Variants in OPRM1 observed in about 807,000 individuals in gnomAD.
OPRM1 encodes opioid receptor mu 1, also known as mu-type opioid receptor.
In OPRM1, 27 loss-of-function variants were observed where a neutral mutation model predicts 31.8. The ratio of observed to expected loss-of-function variants is 0.85; its 90% CI spans 0.63 to 1.17. The LOEUF (loss-of-function observed/expected upper bound fraction) is 1.17, where lower values mean the gene tolerates loss of function less well. OPRM1 is among the 50% of genes most tolerant of loss of function. OPRM1 has a pLI of 0.00. For missense variants in OPRM1, 536 were observed against 511.1 expected (o/e 1.05, Z -0.47); for synonymous variants, 196 against 189.9 (o/e 1.03, Z -0.26).
At position 154,131,931 on chromosome 6, in the gene OPRM1, A is replaced by G. The variant is rs184783311; in HGVS notation, c.*13210A>G. Among the ~76,000 whole-genome samples, 23 of 138,304 alleles carry G rather than the reference A, an allele frequency of 1.7e-4. No homozygotes were observed. The highest frequency in any genetic ancestry group is 1.5e-3 in the South Asian group (6 of 3,944). 90.7% of individuals were successfully genotyped at this position (138,304 alleles called of 152,430 possible). A position where few individuals can be genotyped will look rare whatever the true frequency, so the allele number is the denominator to read the frequency against. ...CTTTTGATGGTCTGGGAGTTTTTCT[A>G]TAAGTTTTTGGTTTTTTTTTTTTTT... On this transcript the variant is annotated 3_prime_UTR_variant, in exon 4 of 4. Coordinates refer to ENST00000330432, the MANE Select transcript of OPRM1 (RefSeq NM_000914.5).
At position 154,099,659 on chromosome 6, in the gene OPRM1, G is replaced by GTATATACATATATACATA. The variant is rs141279542; in HGVS notation, c.1164+8203_1164+8204insTATATATACATATATACA. 1.4e-3 allele frequency among the ~76,000 whole-genome samples: 201 copies of GTATATACATATATACATA among 143,912 alleles called. 5 individuals are homozygous for GTATATACATATATACATA. The highest frequency in any genetic ancestry group is 3.8e-3 in the African/African-American group (138 of 36,776). 94.4% of individuals were successfully genotyped at this position (143,912 alleles called of 152,430 possible). On this transcript the variant is annotated intron_variant, in intron 3 of 3. Transcript: ENST00000330432. Reference sequence around the variant, plus strand: ...TATACACACATATATATACACACATGTATATACATATATACACACATATAT... The same window carrying GTATATACATATATACATA: ...TATACACACATATATATACACACATGTATATACATATATACATATATATACATATATACACACATATAT...
At chr6:154,143,133 T>C (rs972385612) in intron 3 of OPRM1, among the ~76,000 whole-genome samples, 3 of 152,214 alleles carry the variant, frequency 2.0e-5, no homozygotes, top group African/African-American at 7.2e-5. Flanking sequence ...TGCACATAAA[T>C]GCACAGATAT....
At chr6:154,114,937 G>A (rs1261843549) in intron 3 of OPRM1, among the ~76,000 whole-genome samples, 1 of 151,132 alleles carries the variant, frequency 6.6e-6, no homozygotes, top group African/African-American at 2.4e-5. Flanking sequence ...AGTTGTGCAT[G>A]CATCCTTCTA....
intron 1 of OPRM1, among the ~76,000 whole-genome samples, chr6:154,066,518 T>TC (rs1453858727): frequency 3.2e-4 from 48 of 148,770 alleles, no homozygotes; most frequent in African/African-American, 9.6e-4. Flanking sequence ...CACCCTCCCA[T>TC]CCCCCCCAAA....
rs577057641 is a variant in OPRM1 at position 154,190,339 on chromosome 6, A to T, written c.1165-56354A>T. ...ACCAAAGAAAGTATATACAAAAATT[A>T]ATAAATTCTGAGCAGCCATCTTATG... On this transcript the variant is annotated intron_variant, in intron 3 of 3. Coordinates refer to the OPRM1 transcript ENST00000337049. Among the ~76,000 whole-genome samples, 14 of 152,384 alleles carry T rather than the reference A, an allele frequency of 9.2e-5. No homozygotes were observed. The East Asian group carries it at 2.3e-3, about 25-fold the overall frequency.
intron 3 of OPRM1, chr6:154,091,943 G>A: frequency 1.0e-6 from 1 of 986,274 alleles, no homozygotes; most frequent in Non-Finnish European, 1.2e-6. Flanking sequence ...GATATTCACA[G>A]AAAATTAGCA....
At chr6:154,187,753 C>A (rs1028066704) in intron 3 of OPRM1, among the ~76,000 whole-genome samples, 11 of 152,312 alleles carry the variant, frequency 7.2e-5, no homozygotes, top group African/African-American at 2.6e-4. Flanking sequence ...ATTTCAGATA[C>A]AACTTTCACA....
At chr6:154,101,249 CACTCTT>C (rs1017739484) in intron 3 of OPRM1, among the ~76,000 whole-genome samples, 1 of 152,056 alleles carries the variant, frequency 6.6e-6, no homozygotes, top group African/African-American at 2.4e-5. Flanking sequence ...AAGAATATCT[CACTCTT>C]ACTCTTCTTC....
At chr6:154,026,930 T>C (rs1189849156) in intron 1 of OPRM1, among the ~76,000 whole-genome samples, 2 of 152,134 alleles carry the variant, frequency 1.3e-5, no homozygotes, top group African/African-American at 4.8e-5. Flanking sequence ...CACATATCTT[T>C]GTTTCTCCAG....
chr6:154,154,853 A>C (rs988557727), intron 3 of OPRM1: 1 of 152,612 alleles, frequency 6.6e-6, no homozygotes, highest in Non-Finnish European at 1.5e-5. Context: ...ACTTAAGCTA[A>C]GATTTCCACA....
chr6:154,094,393 C>T, intron 3 of OPRM1: 1 of 418,724 alleles, frequency 2.4e-6, no homozygotes, highest in Non-Finnish European at 4.7e-6. Flanking sequence ...TTAAGAGCTG[C>T]TCAGTCAGCT....
chr6:154,231,597 A>G (rs1175900006), intron 3 of OPRM1, among the ~76,000 whole-genome samples: 1 of 152,250 alleles, frequency 6.6e-6, no homozygotes. Context: ...AGTGAGAGAA[A>G]AAGTAAGGTG....
intron 3 of OPRM1, among the ~76,000 whole-genome samples, chr6:154,162,732 G>T (rs1435548737): frequency 2.0e-5 from 3 of 152,072 alleles, no homozygotes; most frequent in Non-Finnish European, 2.9e-5. Context: ...GTAATCACAA[G>T]AAATCTCTCC....
chr6:154,068,358 C>A (rs914572187), intron 1 of OPRM1, among the ~76,000 whole-genome samples: 2 of 152,102 alleles, frequency 1.3e-5, no homozygotes, highest in Non-Finnish European at 2.9e-5. Flanking sequence ...ATCTATATAA[C>A]CTCAACCCCA....
rs1167495463 is a variant in OPRM1, at chr6:154,091,401, T to C, written c.1093T>C (p.Ser365Pro). 6.2e-7 allele frequency: 1 copy of C among 1,614,014 alleles called. No homozygotes were observed. Among genetic ancestry groups the C allele is most frequent in the South Asian group, 1.1e-5 (1 of 91,080 alleles). Residue 365 changes from serine (S) to proline (P), a missense_variant, in exon 3 of 4, where the codon TCC becomes CCC. Physicochemically the swap from Ser to Pro is moderately conservative, Grantham distance 74. Coordinates refer to ENST00000330432, the MANE Select transcript of OPRM1 (RefSeq NM_000914.5). The part of the protein sequence containing the change: ...PTSSNIEQQN[S>P]TRIRQNTRDH... ...CTCTTCCAACATTGAGCAACAAAAC[T>C]CCACTCGAATTCGTCAGAACACTAG...
At chr6:154,150,870 G>A (rs1389015275) in intron 3 of OPRM1, among the ~76,000 whole-genome samples, 1 of 152,152 alleles carries the variant, frequency 6.6e-6, no homozygotes, top group African/African-American at 2.4e-5. Context: ...TCTAAATGTT[G>A]CCCAAAAAGC....
rs80140708 is a variant in OPRM1, at chr6:154,076,679, A to C, written c.291-13147A>C. 1.3e-3 allele frequency among the ~76,000 whole-genome samples: 198 copies of C among 152,142 alleles called. 1 individual carries two copies. Among genetic ancestry groups the C allele is most frequent in the Non-Finnish European group, 2.3e-3 (155 of 67,982 alleles). On this transcript the variant is annotated intron_variant, in intron 1 of 3. Coordinates refer to ENST00000330432, the MANE Select transcript of OPRM1 (RefSeq NM_000914.5). ...ATCCTGAATCTGACACCTCCCCCAAAACTGAGCTCTTCAATCCATCATCCT... is the reference window on the plus strand; with the variant it reads ...ATCCTGAATCTGACACCTCCCCCAACACTGAGCTCTTCAATCCATCATCCT...
intron 1 of OPRM1, among the ~76,000 whole-genome samples, chr6:154,069,943 G>C (rs1390595278): frequency 6.6e-6 from 1 of 152,086 alleles, no homozygotes; most frequent in Non-Finnish European, 1.5e-5. Context: ...CCCCAAAAAA[G>C]GATAAGAAGG....
intron 3 of OPRM1, chr6:154,222,914 GAC>G (rs1778979933): frequency 2.0e-6 from 1 of 512,100 alleles, no homozygotes; most frequent in Non-Finnish European, 3.5e-6. Context: ...TTCCATCACA[GAC>G]ACAGTCATCA....
Sources: gnomAD v4.1 joint callset for allele counts (sites outside exome capture counted in the v4.1 genomes callset) on GRCh38, gnomAD v4.1.1 for gene constraint, MANE v1.5 for transcripts, NCBI Gene and HGNC (gene_info 2026-07-23, HGNC 2026-07-21) for gene names.